The following ARAP2 variants were observed in gnomAD, a reference collection of about 807,000 sequenced individuals.
ARAP2 encodes ArfGAP with RhoGAP domain, ankyrin repeat and PH domain 2.
Under a neutral mutation model 194.5 loss-of-function variants are expected in ARAP2, and 148 were observed. The ratio of observed to expected loss-of-function variants is 0.76; its 90% CI spans 0.67 to 0.87. ARAP2 has a LOEUF of 0.87. ARAP2 is among the 40% of genes least tolerant of loss of function. The pLI is 0.00. For synonymous variants in ARAP2, 695 were observed against 683.5 expected, an observed-to-expected ratio of 1.02 and a Z score of -0.26; for missense variants, 2,128 against 1,989.7, an observed-to-expected ratio of 1.07 and a Z score of -1.32.
At chr4:36,239,103 C>T (rs1044311901) in intron 1 of ARAP2, among the ~76,000 whole-genome samples, 4 of 151,960 alleles carry the variant, frequency 2.6e-5, no homozygotes, top group Admixed American at 6.6e-5. Context: ...TGGTGAAATC[C>T]CGTCTCTACT....
intron 16 of ARAP2, 125 bp from the exon 17 acceptor site, chr4:36,148,632 A>G: frequency 1.4e-6 from 1 of 699,698 alleles, no homozygotes; most frequent in Non-Finnish European, 2.4e-6. Context: ...AAATCATCCT[A>G]TTAGATTCTG....
At chr4:36,177,281 G>C (rs1738164605) in intron 9 of ARAP2, among the ~76,000 whole-genome samples, 1 of 152,054 alleles carries the variant, frequency 6.6e-6, no homozygotes, top group African/African-American at 2.4e-5. Flanking sequence ...TGCGTGTATA[G>C]CTAGATGTAT....
chr4:36,166,977 G>C lies in ARAP2; in HGVS notation c.1928C>G (p.Thr643Ser). Residue 643 changes from threonine (T) to serine (S), a missense_variant, in exon 10 of 33, where the codon ACT becomes AGT. Thr to Ser is a moderately conservative substitution (Grantham distance 58). Transcript: ENST00000303965. ...NVANVKQVDR[T>S]VKQSFEIITP... is the part of the protein sequence containing the mutation. ...GATTATTTCAAAAGATTGTTTCACAGTTCGGTCCACTTGCTTTACATTTGC... is the reference window on the plus strand; with the variant it reads ...GATTATTTCAAAAGATTGTTTCACACTTCGGTCCACTTGCTTTACATTTGC... The C allele has an allele frequency of 6.2e-7, 1 of 1,608,858 alleles. No individual in the cohort carries two copies. Among genetic ancestry groups the C allele is most frequent in the South Asian group, 1.1e-5 (1 of 90,068 alleles).
rs1036619006 is a variant in ARAP2, at chr4:36,205,412, C to CT, written c.1487+4977dup. Among the ~76,000 whole-genome samples, 6 of 152,144 alleles carry CT rather than the reference C, an allele frequency of 3.9e-5. 1 individual carries two copies. ...AAGAGGTTGGAGGTAAGAAATGTCA[C>CT]TTTTTTTAAAATAAGCTATGTACTA... On this transcript the variant is annotated intron_variant, in intron 6 of 32. Coordinates refer to ENST00000303965, the MANE Select transcript of ARAP2 (RefSeq NM_015230.4).
intron 5 of ARAP2, among the ~76,000 whole-genome samples, chr4:36,032,529 G>A (rs1189999290): frequency 1.3e-5 from 2 of 152,142 alleles, no homozygotes; most frequent in Non-Finnish European, 2.9e-5. Context: ...ATAGAAGAGA[G>A]TTAATATAAT....
At chr4:36,041,879 G>C (rs1720927657) in intron 5 of ARAP2, among the ~76,000 whole-genome samples, 1 of 152,152 alleles carries the variant, frequency 6.6e-6, no homozygotes, top group South Asian at 2.1e-4. Flanking sequence ...GTGGGAACAT[G>C]GATGAAGTTG....
rs1362966359 is a variant in ARAP2, at chr4:36,114,276, C to T, written c.4050G>A (p.Val1350=). The T allele has an allele frequency of 7.0e-6, 11 of 1,569,550 alleles. No individual in the cohort carries two copies. Among genetic ancestry groups the T allele is most frequent in the African/African-American group, 5.5e-5 (4 of 73,238 alleles). ...CATTAGTTAATTCTTCTGCTTCCATCACAGGAGATATCTGTAAGAGAAGTA... is the reference window on the plus strand; with the variant it reads ...CATTAGTTAATTCTTCTGCTTCCATTACAGGAGATATCTGTAAGAGAAGTA... ...DCSIIIRISP[V]MEAEELTNDI... is the part of the protein sequence containing the mutation. The change falls in exon 26 of 33, where the codon GTG becomes GTA. Residue 1350 remains valine (V), a synonymous_variant. Transcript: ENST00000303965.
rs112848564 is a variant in ARAP2 at position 36,059,749 on chromosome 4, A to C, written n.148-1606T>G. Among the ~76,000 whole-genome samples, 29 of 152,284 alleles carry C rather than the reference A, an allele frequency of 1.9e-4. 2 individuals are homozygous for C. Among genetic ancestry groups the C allele is most frequent in the African/African-American group, 6.5e-4 (27 of 41,568 alleles). On this transcript the variant is annotated intron_variant and non_coding_transcript_variant, in intron 1 of 12. Coordinates refer to the ARAP2 transcript ENST00000503225. The stretch of plus-strand genomic sequence containing the variant: ...ACAAGACAGTAGGATCCTAGAGACC[A>C]ATACTAGTAGAATTATTACACAAAG...
At chr4:36,217,545 C>T (rs1748207226) in intron 2 of ARAP2, among the ~76,000 whole-genome samples, 1 of 151,678 alleles carries the variant, frequency 6.6e-6, no homozygotes, top group South Asian at 2.1e-4. Context: ...AAATAAAATA[C>T]AAAATACAAA....
Position 36,158,834 on chromosome 4 carries a change from C to T in ARAP2, c.2648G>A (p.Gly883Asp), listed in dbSNP as rs749944790. The T allele has an allele frequency of 1.1e-5, 17 of 1,605,572 alleles. No individual in the cohort carries two copies. The highest frequency in any genetic ancestry group is 1.3e-5 in the Non-Finnish European group (15 of 1,177,692). ...CTGGGAAGACTCTTGACTTAATACACCCTCGGAATGAATATCATGTTGAGG... is the reference window on the plus strand; with the variant it reads ...CTGGGAAGACTCTTGACTTAATACATCCTCGGAATGAATATCATGTTGAGG... Reference protein sequence around the residue: ...DFPQHDIHSEGVLSQESSQST... With the variant: ...DFPQHDIHSEDVLSQESSQST... The change falls in exon 15 of 33, where the codon GGT becomes GAT. Residue 883 changes from glycine to aspartate, a missense_variant. Transcript: ENST00000303965.
chr4:36,060,361 T>C (rs568093445), intron 1 of ARAP2, among the ~76,000 whole-genome samples: 5 of 152,268 alleles, frequency 3.3e-5, no homozygotes, highest in Non-Finnish European at 5.9e-5. Context: ...CAATTTTGAA[T>C]TTTATTCTAT....
At chr4:36,063,063 T>G (rs1294714441), downstream of ARAP2, among the ~76,000 whole-genome samples, 1 of 152,194 alleles carries the variant, frequency 6.6e-6, no homozygotes, top group Non-Finnish European at 1.5e-5. Flanking sequence ...ACTCCATTTT[T>G]TGTTAAAGGG....
chr4:36,056,329 T>C (rs1185712570), intron 2 of ARAP2, among the ~76,000 whole-genome samples: 1 of 152,180 alleles, frequency 6.6e-6, no homozygotes, highest in Non-Finnish European at 1.5e-5. Flanking sequence ...ACTGTGACCC[T>C]TGAAGCTTAC....
chr4:36,241,823 CA>C (rs1753571188), intron 1 of ARAP2, among the ~76,000 whole-genome samples: 2 of 152,104 alleles, frequency 1.3e-5, no homozygotes, highest in Admixed American at 6.5e-5. Context: ...GTGGCCCCAT[CA>C]TCCTTCATGA....
intron 5 of ARAP2, among the ~76,000 whole-genome samples, chr4:36,037,455 C>A (rs989055164): frequency 6.6e-6 from 1 of 152,090 alleles, no homozygotes; most frequent in Non-Finnish European, 1.5e-5. Context: ...AAGAAAAAGT[C>A]TGTCTTTCAA....
chr4:36,045,979 C>A (rs920246372), exon 5 of ARAP2: 2 of 152,038 alleles, frequency 1.3e-5, no homozygotes, highest in African/African-American at 4.8e-5. Context: ...AGAAACTTAC[C>A]CATTTCCATA....
At chr4:36,154,005 T>G in intron 15 of ARAP2, among the ~76,000 whole-genome samples, 1 of 152,266 alleles carries the variant, frequency 6.6e-6, no homozygotes, top group Non-Finnish European at 1.5e-5. Flanking sequence ...AGGAACTCCA[T>G]GCAATTGGGT....
chr4:36,083,328 C>A (rs745358491), intron 29 of ARAP2, 40 bp downstream of exon 29: 4 of 1,403,762 alleles, frequency 2.8e-6, no homozygotes, highest in Admixed American at 3.8e-5. Context: ...ATATTTTTCC[C>A]ATAAGTTTTT....
chr4:36,057,132 A>G (rs1260750135), intron 2 of ARAP2, among the ~76,000 whole-genome samples: 1 of 151,522 alleles, frequency 6.6e-6, no homozygotes, highest in Admixed American at 6.6e-5. Flanking sequence ...CTTTCAAGGA[A>G]TATTTTAAGG....
Sources: allele counts gnomAD v4.1 joint callset (sites outside exome capture counted in the v4.1 genomes callset), GRCh38; gene constraint gnomAD v4.1.1; transcripts MANE v1.5; gene names NCBI Gene and HGNC (gene_info 2026-07-23, HGNC 2026-07-21).